The following DYRK4 variants were observed in gnomAD, a reference collection of about 807,000 sequenced individuals.
DYRK4 encodes dual specificity tyrosine phosphorylation regulated kinase 4.
Under a neutral mutation model 68.3 loss-of-function variants are expected in DYRK4, and 64 were observed. The ratio of observed to expected loss-of-function variants is 0.94; its 90% CI spans 0.77 to 1.15. The LOEUF (loss-of-function observed/expected upper bound fraction) is 1.15. Among genes scored for constraint, DYRK4 ranks in the 50% most tolerant of loss-of-function variants. DYRK4 has a pLI of 0.00. For synonymous variants in DYRK4, 274 were observed against 289.9 expected, an observed-to-expected ratio of 0.95 and a Z score of 0.56; for missense variants, 740 against 764.7, an observed-to-expected ratio of 0.97 and a Z score of 0.38.
At chr12:4,584,939 T>C (rs903420865) in intron 2 of DYRK4, among the ~76,000 whole-genome samples, 2 of 152,092 alleles carry the variant, frequency 1.3e-5, no homozygotes, top group African/African-American at 4.8e-5. Flanking sequence ...GCTTTTTTTT[T>C]CTTCTGAGAA....
At chr12:4,597,063 C>T in intron 8 of DYRK4, 1 of 1,139,036 alleles carries the variant, frequency 8.8e-7, no homozygotes, top group Non-Finnish European at 1.1e-6. Context: ...ATTTTCCCCA[C>T]TCATTGGCTT....
intron 1 of DYRK4, chr12:4,562,977 C>T (rs2137310947): frequency 2.3e-6 from 1 of 437,124 alleles, no homozygotes; most frequent in African/African-American, 2.0e-5. Flanking sequence ...CCCCTCAAAG[C>T]TTAGGAAAAC....
intron 2 of DYRK4, among the ~76,000 whole-genome samples, chr12:4,576,275 T>C (rs1350399449): frequency 6.6e-6 from 1 of 152,228 alleles, no homozygotes; most frequent in African/African-American, 2.4e-5. Flanking sequence ...AATCATGCAG[T>C]ATATTGCCTT....
intron 2 of DYRK4, among the ~76,000 whole-genome samples, chr12:4,579,094 G>T (rs907122266): frequency 1.7e-4 from 26 of 152,048 alleles, no homozygotes; most frequent in African/African-American, 6.3e-4. Flanking sequence ...GGCCAACATG[G>T]TGAAACCCCG....
At chr12:4,582,519 A>G (rs1944853982) in intron 2 of DYRK4, among the ~76,000 whole-genome samples, 1 of 152,222 alleles carries the variant, frequency 6.6e-6, no homozygotes, top group South Asian at 2.1e-4. Context: ...AGAAACCAGT[A>G]AAACAACCTT....
chr12:4,579,931 T>A (rs1944824960), intron 2 of DYRK4, among the ~76,000 whole-genome samples: 1 of 152,126 alleles, frequency 6.6e-6, no homozygotes, highest in Non-Finnish European at 1.5e-5. Flanking sequence ...GACAGTAAAA[T>A]GACGCTAGAG....
intron 2 of DYRK4, among the ~76,000 whole-genome samples, chr12:4,581,525 G>A (rs549335779): frequency 6.6e-6 from 1 of 152,200 alleles, no homozygotes; most frequent in Non-Finnish European, 1.5e-5. Flanking sequence ...GCTGATTAGA[G>A]GCTTTCCTTC....
chr12:4,567,183 C>T (rs1048312947), intron 1 of DYRK4: 13 of 152,208 alleles, frequency 8.5e-5, no homozygotes, highest in Admixed American at 3.3e-4. Context: ...GTGCCATCAT[C>T]ATTTATATGG....
chr12:4,570,719 T>G (rs2137322957), intron 2 of DYRK4, among the ~76,000 whole-genome samples: 1 of 152,344 alleles, frequency 6.6e-6, no homozygotes, highest in Admixed American at 6.5e-5. Context: ...AATTATAGAT[T>G]ATAAGTGTGA....
In DYRK4 at chr12:4,590,363, A is replaced by C. The variant is rs751261732; in HGVS notation, c.247A>C (p.Thr83Pro). Reference protein sequence around the residue: ...TSVTSLPFVDTKGKKNTVSFP... With the variant: ...TSVTSLPFVDPKGKKNTVSFP... The stretch of plus-strand genomic sequence containing the variant: ...TGTTACTTCACTCCCCTTTGTGGAC[A>C]CCAAGGGGAAGAAGAATACGGTAAG... Residue 83 changes from threonine to proline, a missense_variant, in exon 4 of 15, where the codon ACC (threonine) becomes CCC (proline). This residue lies in a region of DYRK4 where 56 missense variants were observed against 89.9 expected (regional missense o/e 0.62). Transcript: ENST00000543431. 6.5e-7 allele frequency: 1 copy of C among 1,535,874 alleles called. No homozygotes were observed. The highest frequency in any genetic ancestry group is 8.7e-7 in the Non-Finnish European group (1 of 1,146,822).
intron 2 of DYRK4, among the ~76,000 whole-genome samples, chr12:4,583,265 A>G (rs149015901): frequency 1.3e-5 from 2 of 152,038 alleles, no homozygotes; most frequent in African/African-American, 4.8e-5. Context: ...GGCTCCTGCC[A>G]TTGCAAGTCT....
chr12:4,594,559 C>T (rs1944994830), intron 6 of DYRK4, among the ~76,000 whole-genome samples: 1 of 152,160 alleles, frequency 6.6e-6, no homozygotes. Context: ...TCTGATTCAG[C>T]TAGACCTCCT....
At chr12:4,582,490 A>G (rs1944853474) in intron 2 of DYRK4, among the ~76,000 whole-genome samples, 1 of 152,214 alleles carries the variant, frequency 6.6e-6, no homozygotes, top group Non-Finnish European at 1.5e-5. Flanking sequence ...AATAAAAAAG[A>G]GTCTTATATA....
intron 8 of DYRK4, among the ~76,000 whole-genome samples, chr12:4,598,674 G>A (rs1456977251): frequency 2.0e-5 from 3 of 152,200 alleles, no homozygotes; most frequent in Non-Finnish European, 4.4e-5. Flanking sequence ...GGCAGGAGTG[G>A]CTGCTTGTTT....
At chr12:4,609,767 T>C (rs1945196318) in intron 12 of DYRK4, among the ~76,000 whole-genome samples, 1 of 152,180 alleles carries the variant, frequency 6.6e-6, no homozygotes, top group Non-Finnish European at 1.5e-5. Flanking sequence ...CAAAAGGAAA[T>C]GGATATTTGT....
chr12:4,589,047 T>G, intron 3 of DYRK4, 30 bp downstream of exon 3: 235 of 1,526,756 alleles, frequency 1.5e-4, no homozygotes, highest in Non-Finnish European at 1.9e-4. Context: ...TCCTTTTCTC[T>G]AGGAGAGAAT....
chr12:4,604,681 C>T (rs1945119750), intron 10 of DYRK4, among the ~76,000 whole-genome samples: 1 of 152,208 alleles, frequency 6.6e-6, no homozygotes, highest in Non-Finnish European at 1.5e-5. Flanking sequence ...TACGACAGTG[C>T]CCACGTTGGA....
rs148083895 is a variant in DYRK4, at chr12:4,597,059, C to T, written c.905+330C>T. 8.8e-5 allele frequency: 101 copies of T among 1,144,062 alleles called. 3 individuals are homozygous for T. The East Asian group carries it at 7.5e-3, about 85-fold the overall frequency. 70.9% of individuals were successfully genotyped at this position (1,144,062 alleles called of 1,614,324 possible). A position where few individuals can be genotyped will look rare whatever the true frequency, so the allele number is the denominator to read the frequency against. On this transcript the variant is annotated intron_variant, in intron 8 of 14. Coordinates refer to ENST00000543431, the MANE Select transcript of DYRK4 (RefSeq NM_001394779.1). ...CATTTCTTTGTTTGCAGTCATTTTC[C>T]CCACTCATTGGCTTTCTGGCCTGGT...
At chr12:4,602,892 C>G (rs919293206) in intron 10 of DYRK4, 5 of 1,002,306 alleles carry the variant, frequency 5.0e-6, no homozygotes, top group Non-Finnish European at 7.7e-6. Flanking sequence ...CTTTCATTTT[C>G]AAAATAACTT....
Sources: gnomAD v4.1 joint callset for allele counts (sites outside exome capture counted in the v4.1 genomes callset) on GRCh38, gnomAD v4.1.1 for gene constraint, gnomAD v4.1.1 regional missense constraint, MANE v1.5 for transcripts, NCBI Gene and HGNC (gene_info 2026-07-23, HGNC 2026-07-21) for gene names.